The following VGLL4 variants were observed in gnomAD, a reference collection of about 807,000 sequenced individuals.
The protein encoded by VGLL4 is vestigial like family member 4.
VGLL4 carries 7 observed loss-of-function variants against 21.0 expected under a neutral mutation model. The ratio of observed to expected loss-of-function variants is 0.33; its 90% CI spans 0.19 to 0.63. The LOEUF (loss-of-function observed/expected upper bound fraction) is 0.63, where lower values mean the gene tolerates loss of function less well. Among genes scored for constraint, VGLL4 ranks in the 20% least tolerant of loss-of-function variants. The probability of loss-of-function intolerance (pLI) is 0.78; values close to 1 mark genes in which losing one functional copy is unlikely to be tolerated. For synonymous variants in VGLL4, 222 were observed against 173.2 expected (o/e 1.28, Z -2.21); for missense variants, 394 against 425.7 (o/e 0.93, Z 0.66).
chr3:11,578,927 T>C (rs2074142618), intron 2 of VGLL4, among the ~76,000 whole-genome samples: 1 of 151,936 alleles, frequency 6.6e-6, no homozygotes, highest in Admixed American at 6.6e-5. Flanking sequence ...TTTTTGTATT[T>C]TTAGTAGAGA....
chr3:11,686,633 A>C (rs2076453163), intron 2 of VGLL4, among the ~76,000 whole-genome samples: 3 of 152,224 alleles, frequency 2.0e-5, no homozygotes, highest in Non-Finnish European at 4.4e-5. Context: ...CTGTACACTT[A>C]AAATGGTTAA....
In VGLL4 at chr3:11,604,360, G is replaced by A. The variant is rs187756298; in HGVS notation, c.83-2338C>T. The A allele has an allele frequency of 3.9e-4, 372 of 945,330 alleles. 42 individuals carry two copies. In the African/African-American group the frequency reaches 6.5e-3, roughly 17 times the overall value. 58.6% of individuals were successfully genotyped at this position (945,330 alleles called of 1,614,324 possible). A position where few individuals can be genotyped will look rare whatever the true frequency, so the allele number is the denominator to read the frequency against. ...CAGTTAACAGGTTAGCTGGAGGCAA[G>A]AACCCATGGCCTCTGCAATCAGACA... On this transcript the variant is annotated intron_variant, in intron 1 of 4. Coordinates refer to ENST00000430365, the MANE Select transcript of VGLL4 (RefSeq NM_001128219.3).
chr3:11,574,783 A>ATGTGTGTGTGTGTG (rs768970246), intron 2 of VGLL4, among the ~76,000 whole-genome samples: 73 of 111,838 alleles, frequency 6.5e-4, no homozygotes, highest in Middle Eastern at 4.7e-3. Flanking sequence ...ATTCAACTAT[A>ATGTGTGTGTGTGTG]TATGTGTGTG....
intron 1 of VGLL4, among the ~76,000 whole-genome samples, chr3:11,625,251 T>C (rs1427437636): frequency 6.6e-6 from 1 of 152,216 alleles, no homozygotes; most frequent in Non-Finnish European, 1.5e-5. Flanking sequence ...AATTCATCTC[T>C]GGCAGTCCAC....
chr3:11,696,152 G>A (rs2076603640), intron 2 of VGLL4, among the ~76,000 whole-genome samples: 1 of 152,102 alleles, frequency 6.6e-6, no homozygotes, highest in African/African-American at 2.4e-5. Flanking sequence ...CCTCACTAAG[G>A]GAAAACCAGA....
chr3:11,667,398 C>CTACCTTTATATTACG (rs1455898513), intron 2 of VGLL4, among the ~76,000 whole-genome samples: 1 of 152,250 alleles, frequency 6.6e-6, no homozygotes, highest in African/African-American at 2.4e-5. Context: ...ATGTCACCTT[C>CTACCTTTATATTACG]TACCTTTATA....
chr3:11,712,673 T>G (rs1216974329), intron 1 of VGLL4, among the ~76,000 whole-genome samples: 1 of 152,210 alleles, frequency 6.6e-6, no homozygotes, highest in African/African-American at 2.4e-5. Flanking sequence ...CTATTTTTAC[T>G]ACTCTTAAGT....
At position 11,582,724 on chromosome 3, in the gene VGLL4, C is replaced by T. The variant is rs373228740; in HGVS notation, c.273-17705G>A. 1.0e-3 allele frequency among the ~76,000 whole-genome samples: 154 copies of T among 152,260 alleles called. 7 individuals carry two copies. The South Asian group carries it at 0.03, about 30-fold the overall frequency. On this transcript the variant is annotated intron_variant, in intron 2 of 4. Transcript: ENST00000430365. ...AGGAAGGTTGCTGCAGAAGTGGAGACGCTCCGAAGGCACGATGCATGCAAC... is the reference window on the plus strand; with the variant it reads ...AGGAAGGTTGCTGCAGAAGTGGAGATGCTCCGAAGGCACGATGCATGCAAC...
At chr3:11,702,497 C>T (rs1327718304) in intron 2 of VGLL4, among the ~76,000 whole-genome samples, 1 of 147,942 alleles carries the variant, frequency 6.8e-6, no homozygotes, top group African/African-American at 2.5e-5. Context: ...GGCATTGTGG[C>T]AGGCACCTGT....
At position 11,568,422 on chromosome 3, in the gene VGLL4, C is replaced by T. The variant is rs1283167114; in HGVS notation, c.273-3403G>A. ...ATCTGCCATCTATGCTCCCACAGCC[C>T]CACTGTGCGCCCACCCTACGCAGGG... On this transcript the variant is annotated intron_variant, in intron 2 of 4. Coordinates refer to ENST00000430365, the MANE Select transcript of VGLL4 (RefSeq NM_001128219.3). The surrounding 1 kb of genome is among the most constrained non-coding windows in gnomAD (Gnocchi z 5.9). 3.3e-5 allele frequency among the ~76,000 whole-genome samples: 5 copies of T among 152,180 alleles called. No homozygotes were observed. The highest frequency in any genetic ancestry group is 4.8e-5 in the African/African-American group (2 of 41,446).
intron 1 of VGLL4, among the ~76,000 whole-genome samples, chr3:11,631,979 G>A (rs963498424): frequency 6.6e-6 from 1 of 152,160 alleles, no homozygotes; most frequent in Non-Finnish European, 1.5e-5. Flanking sequence ...TCTGACCACA[G>A]TATTTTCAGA....
At chr3:11,625,344 T>C (rs576350893) in intron 1 of VGLL4, among the ~76,000 whole-genome samples, 2 of 152,360 alleles carry the variant, frequency 1.3e-5, no homozygotes, top group African/African-American at 4.8e-5. Context: ...AACAAAACTC[T>C]AGAAGACGTA....
In VGLL4 at chr3:11,690,281, G is replaced by A. The variant is rs1182530205; in HGVS notation, c.64+12690C>T. On this transcript the variant is annotated intron_variant, in intron 2 of 5. Coordinates refer to the VGLL4 transcript ENST00000273038. ...TCTTCATAACTTTTAGTTTAATAGA[G>A]GTAGGCATCCTTTCAAATTTTCTAA... 2.0e-5 allele frequency among the ~76,000 whole-genome samples: 3 copies of A among 151,980 alleles called. No individual in the cohort carries two copies. The East Asian group carries it at 5.8e-4, about 29-fold the overall frequency.
intron 1 of VGLL4, among the ~76,000 whole-genome samples, chr3:11,630,955 GT>G (rs1207134920): frequency 6.6e-6 from 1 of 152,156 alleles, no homozygotes; most frequent in East Asian, 1.9e-4. Context: ...TTCTGAGCAA[GT>G]TCATTCATTA....
At chr3:11,588,734 T>C (rs945212729) in intron 2 of VGLL4, among the ~76,000 whole-genome samples, 3 of 152,112 alleles carry the variant, frequency 2.0e-5, no homozygotes, top group Admixed American at 1.3e-4. Context: ...CAGTCATGAA[T>C]AGGGGGACAG....
chr3:11,653,093 G>T lies in VGLL4; in HGVS notation c.64+49878C>A, dbSNP rs2075900868. ...AAATATTCAACAACTGAAGGGCTAA[G>T]TTCGCTGCTAGCCCCAATGTGTGAC... On this transcript the variant is annotated intron_variant, in intron 2 of 5. Transcript: ENST00000273038. The surrounding 1 kb of genome is among the most constrained non-coding windows in gnomAD (Gnocchi z 4.2). Among the ~76,000 whole-genome samples the T allele has an allele frequency of 6.6e-6, 1 of 152,202 alleles. No individual in the cohort carries two copies. The highest frequency in any genetic ancestry group is 2.4e-5 in the African/African-American group (1 of 41,442).
chr3:11,704,261 T>C (rs1328391953), intron 1 of VGLL4, among the ~76,000 whole-genome samples: 1 of 150,906 alleles, frequency 6.6e-6, no homozygotes, highest in Admixed American at 6.6e-5. Flanking sequence ...CCCATGCTTG[T>C]AATCCCAGCT....
chr3:11,695,116 T>C (rs927721341), intron 2 of VGLL4, among the ~76,000 whole-genome samples: 1 of 149,606 alleles, frequency 6.7e-6, no homozygotes, highest in Non-Finnish European at 1.5e-5. Flanking sequence ...AGTGGTGCAA[T>C]CTCGGCTCAC....
chr3:11,698,805 T>C (rs979904577), intron 2 of VGLL4, among the ~76,000 whole-genome samples: 1 of 152,232 alleles, frequency 6.6e-6, no homozygotes, highest in Non-Finnish European at 1.5e-5. Context: ...ATATTTCTTT[T>C]ATTCTCCACT....
Sources: gnomAD v4.1 joint callset for allele counts (sites outside exome capture counted in the v4.1 genomes callset) on GRCh38, gnomAD v4.1.1 for gene constraint, Gnocchi (gnomAD v3.1) non-coding constraint, MANE v1.5 for transcripts, NCBI Gene and HGNC (gene_info 2026-07-23, HGNC 2026-07-21) for gene names.